XXYLT1: variants seen among roughly 807,000 people sequenced by gnomAD.
The protein encoded by XXYLT1 is xyloside xylosyltransferase 1.
In XXYLT1, 20 loss-of-function variants were observed where a neutral mutation model predicts 28.9. The ratio of observed to expected loss-of-function variants is 0.69; its 90% CI spans 0.49 to 1.00. The LOEUF (loss-of-function observed/expected upper bound fraction) is 1.00. Among genes scored for constraint, XXYLT1 ranks in the 50% least tolerant of loss-of-function variants. The pLI is 0.00. For missense variants in XXYLT1, 542 were observed against 560.1 expected (o/e 0.97, Z 0.33); for synonymous variants, 257 against 253.8 (o/e 1.01, Z -0.12).
At chr3:195,200,806 T>C (rs547356358) in intron 2 of XXYLT1, among the ~76,000 whole-genome samples, 46 of 152,200 alleles carry the variant, frequency 3.0e-4, no homozygotes, top group Non-Finnish European at 5.7e-4. Context: ...CAAGAAGGAA[T>C]GCTGGGCTCT....
chr3:195,163,592 A>G (rs529377121), intron 2 of XXYLT1, among the ~76,000 whole-genome samples: 50 of 152,188 alleles, frequency 3.3e-4, no homozygotes, highest in Non-Finnish European at 5.7e-4. Context: ...ACTCCTTCCC[A>G]TGCTTTAACT....
At chr3:195,190,453 T>G (rs1313115570) in intron 2 of XXYLT1, among the ~76,000 whole-genome samples, 11 of 137,652 alleles carry the variant, frequency 8.0e-5, no homozygotes, top group Admixed American at 5.7e-4. Flanking sequence ...CGAGTTATGC[T>G]GCTGCACTCC....
rs1201331345 is a variant in XXYLT1, at chr3:195,115,172, G to A, written c.785+41277C>T. On this transcript the variant is annotated intron_variant, in intron 3 of 3. Coordinates refer to ENST00000310380, the MANE Select transcript of XXYLT1 (RefSeq NM_152531.5). The surrounding 1 kb of genome is among the most constrained non-coding windows in gnomAD (Gnocchi z 4.2). ...GGTGCTGCGACTCGGGAACTAGTGT[G>A]CTCACATGAGACGTGCCCGGTGAGA... Among the ~76,000 whole-genome samples, 1 of 152,228 alleles carries A rather than the reference G, an allele frequency of 6.6e-6. No individual in the cohort carries two copies. The highest frequency in any genetic ancestry group is 1.5e-5 in the Non-Finnish European group (1 of 68,042).
At chr3:195,239,183 CA>C (rs1217897070) in intron 1 of XXYLT1, among the ~76,000 whole-genome samples, 1 of 152,180 alleles carries the variant, frequency 6.6e-6, no homozygotes, top group African/African-American at 2.4e-5. Flanking sequence ...CAGCAAGAGG[CA>C]AATCACAGAC....
chr3:195,189,124 T>A lies in XXYLT1; in HGVS notation c.653-32543A>T, dbSNP rs183170460. 6.4e-3 allele frequency among the ~76,000 whole-genome samples: 974 copies of A among 152,078 alleles called. 10 individuals carry two copies. The highest frequency in any genetic ancestry group is 0.022 in the African/African-American group (925 of 41,554). On this transcript the variant is annotated intron_variant, in intron 2 of 3. Coordinates refer to ENST00000310380, the MANE Select transcript of XXYLT1 (RefSeq NM_152531.5). ...CAAGAGCTTTATGAGGTGGATACTA[T>A]ATTATTTCCATTTATAGAGTAACAC...
Position 195,255,505 on chromosome 3 carries a change from G to A in XXYLT1, c.504+15050C>T, listed in dbSNP as rs1359888250. Among the ~76,000 whole-genome samples, 4 of 149,668 alleles carry A rather than the reference G, an allele frequency of 2.7e-5. No homozygotes were observed. The highest frequency in any genetic ancestry group is 4.5e-5 in the Non-Finnish European group (3 of 66,506). On this transcript the variant is annotated intron_variant, in intron 1 of 3. Transcript: ENST00000310380. This position sits in a 1 kb window ranked among gnomAD's most constrained non-coding sequence, Gnocchi z 4.5. ...TCTGGAGCAGCCGATCAGTGGACGT[G>A]GAGCAAAGCCTTTCATTGTCCACAA... is the stretch of plus-strand genomic sequence containing the variant.
At chr3:195,233,488 C>T (rs1200313221) in intron 1 of XXYLT1, among the ~76,000 whole-genome samples, 2 of 152,088 alleles carry the variant, frequency 1.3e-5, no homozygotes, top group Non-Finnish European at 2.9e-5. Flanking sequence ...TATTTTCATG[C>T]TTTTTACTTT....
chr3:195,203,201 T>G (rs1427994619), intron 2 of XXYLT1, among the ~76,000 whole-genome samples: 1 of 152,130 alleles, frequency 6.6e-6, no homozygotes, highest in Non-Finnish European at 1.5e-5. Flanking sequence ...CAAAAATGCT[T>G]ATTTCCTTAA....
Position 195,129,704 on chromosome 3 carries a change from G to GT in XXYLT1, c.785+26744dup, listed in dbSNP as rs1182803897. 6.6e-6 allele frequency among the ~76,000 whole-genome samples: 1 copy of GT among 152,114 alleles called. No individual in the cohort carries two copies. Among genetic ancestry groups the GT allele is most frequent in the Non-Finnish European group, 1.5e-5 (1 of 68,030 alleles). On this transcript the variant is annotated intron_variant, in intron 3 of 3. Coordinates refer to ENST00000310380, the MANE Select transcript of XXYLT1 (RefSeq NM_152531.5). The surrounding 1 kb of genome is among the most constrained non-coding windows in gnomAD (Gnocchi z 4.4). ...TTCATTTGCATGTTAGTGTGCGGGCGTATGTTTTCAGTTCTCTCGGGCATT... is the reference window on the plus strand; with the variant it reads ...TTCATTTGCATGTTAGTGTGCGGGCGTTATGTTTTCAGTTCTCTCGGGCATT...
At chr3:195,103,976 T>G (rs993487891) in intron 3 of XXYLT1, among the ~76,000 whole-genome samples, 1 of 152,226 alleles carries the variant, frequency 6.6e-6, no homozygotes, top group African/African-American at 2.4e-5. Context: ...GTTCATCACT[T>G]TAAGTCTGTT....
chr3:195,145,620 G>A (rs1477044420), intron 3 of XXYLT1, among the ~76,000 whole-genome samples: 1 of 144,092 alleles, frequency 6.9e-6, no homozygotes, highest in Non-Finnish European at 1.5e-5. Context: ...TCACATGAAC[G>A]GGCACCTCAC....
intron 1 of XXYLT1, chr3:195,270,001 T>C: frequency 5.4e-6 from 1 of 185,676 alleles, no homozygotes; most frequent in Non-Finnish European, 1.2e-5. Flanking sequence ...TCTAAATGGG[T>C]TCATGACCCT....
At chr3:195,138,422 G>A (rs1394922088) in intron 3 of XXYLT1, among the ~76,000 whole-genome samples, 2 of 152,136 alleles carry the variant, frequency 1.3e-5, no homozygotes, top group African/African-American at 2.4e-5. Flanking sequence ...CCTTGCAGAG[G>A]GAGACACGCA....
At chr3:195,134,305 C>T (rs1719052876) in intron 3 of XXYLT1, among the ~76,000 whole-genome samples, 1 of 152,208 alleles carries the variant, frequency 6.6e-6, no homozygotes, top group Non-Finnish European at 1.5e-5. Context: ...CCCAGGCCTT[C>T]ACACTCACCC....
At position 195,257,218 on chromosome 3, in the gene XXYLT1, A is replaced by C. The variant is rs1391170555; in HGVS notation, c.504+13337T>G. Reference sequence around the variant, plus strand: ...TCCCACCCCGGCCTTCCATGGCTGCACTCACACCCCACTGCCCACCGTGTT... The same window carrying C: ...TCCCACCCCGGCCTTCCATGGCTGCCCTCACACCCCACTGCCCACCGTGTT... On this transcript the variant is annotated intron_variant, in intron 1 of 3. Transcript: ENST00000310380. This position sits in a 1 kb window ranked among gnomAD's most constrained non-coding sequence, Gnocchi z 4.3. Among the ~76,000 whole-genome samples, 2 of 151,940 alleles carry C rather than the reference A, an allele frequency of 1.3e-5. No individual in the cohort carries two copies. The highest frequency in any genetic ancestry group is 2.9e-5 in the Non-Finnish European group (2 of 67,966).
At chr3:195,155,193 A>G (rs1720499279) in intron 3 of XXYLT1, among the ~76,000 whole-genome samples, 1 of 152,218 alleles carries the variant, frequency 6.6e-6, no homozygotes. Context: ...TCATGCAAAT[A>G]GCCACAACCG....
At chr3:195,151,597 T>C (rs920932063) in intron 3 of XXYLT1, among the ~76,000 whole-genome samples, 1 of 152,062 alleles carries the variant, frequency 6.6e-6, no homozygotes, top group Non-Finnish European at 1.5e-5. Flanking sequence ...TTATTTAGTA[T>C]AAATAATTGT....
At chr3:195,095,966 G>A (rs1373640482) in intron 3 of XXYLT1, 2 of 152,302 alleles carry the variant, frequency 1.3e-5, no homozygotes, top group Middle Eastern at 3.4e-3. Flanking sequence ...CTTGTTTCCG[G>A]GGAGAGGCCA....
intron 3 of XXYLT1, among the ~76,000 whole-genome samples, chr3:195,107,393 G>A (rs537075973): frequency 3.5e-5 from 5 of 142,816 alleles, no homozygotes; most frequent in African/African-American, 1.3e-4. Context: ...AGAATCGCTT[G>A]AACCCAGGAG....
Sources: allele counts gnomAD v4.1 joint callset (sites outside exome capture counted in the v4.1 genomes callset), GRCh38; gene constraint gnomAD v4.1.1; non-coding constraint Gnocchi (gnomAD v3.1); transcripts MANE v1.5; gene names NCBI Gene and HGNC (gene_info 2026-07-23, HGNC 2026-07-21).